Variants in SMARCA1 observed in about 807,000 individuals in gnomAD.
SMARCA1 encodes the protein SWI/SNF-related matrix-associated actin-dependent regulator of chromatin subfamily A member 1.
SMARCA1 carries 17 observed loss-of-function variants against 93.6 expected under a neutral mutation model. The ratio of observed to expected loss-of-function variants is 0.18; its 90% CI spans 0.12 to 0.27. The LOEUF (loss-of-function observed/expected upper bound fraction) is 0.27. SMARCA1 is among the 10% of genes least tolerant of loss of function. The pLI, the probability that SMARCA1 is intolerant of heterozygous loss-of-function variation, is 1.00. For synonymous variants in SMARCA1, 271 were observed against 271.4 expected (o/e 1.00, Z 0.01); for missense variants, 630 against 819.0 (o/e 0.77, Z 2.82).
At position 129,482,098 on chromosome X, in the gene SMARCA1, G is replaced by A. The variant is rs779077740; in HGVS notation, c.2218-913C>T. Among the ~76,000 whole-genome samples, 100 of 89,143 alleles carry A rather than the reference G, an allele frequency of 1.1e-3. 1 individual carries two copies. Among genetic ancestry groups the A allele is most frequent in the African/African-American group, 3.6e-3 (87 of 23,877 alleles). The allele number at this position is 89,143 out of a possible 115,157, so 77.4% of individuals were successfully genotyped here. ...TCGCAAGAACAAAAAACCAAACACCGCATATTCTCACTCATAGGTGGGAAT... is the reference window on the plus strand; with the variant it reads ...TCGCAAGAACAAAAAACCAAACACCACATATTCTCACTCATAGGTGGGAAT... On this transcript the variant is annotated intron_variant, in intron 17 of 24. Coordinates refer to ENST00000371121, the MANE Select transcript of SMARCA1 (RefSeq NM_001282874.2).
intron 1 of SMARCA1, 79 bp downstream of exon 1, chrX:129,523,118 C>T (rs1935471544): frequency 9.3e-7 from 1 of 1,080,732 alleles, no homozygotes; most frequent in Non-Finnish European, 1.2e-6. Context: ...CTGTCGGCGC[C>T]GAAAGGTCAG....
intron 6 of SMARCA1, 104 bp downstream of exon 6, chrX:129,511,700 T>C (rs1935024165): frequency 5.0e-6 from 3 of 602,502 alleles, no homozygotes; most frequent in East Asian, 6.7e-5. Context: ...TTAAGTCTTA[T>C]TTAGTAGTAG....
At chrX:129,482,159 T>C (rs1602683262) in intron 17 of SMARCA1, among the ~76,000 whole-genome samples, 2 of 75,049 alleles carry the variant, frequency 2.7e-5, no homozygotes, top group East Asian at 9.4e-4. Context: ...GGAAGGGGAA[T>C]ATCACACTCT....
chrX:129,466,744 T>A (rs907037813), intron 21 of SMARCA1, among the ~76,000 whole-genome samples: 17 of 110,666 alleles, frequency 1.5e-4, no homozygotes, highest in African/African-American at 5.6e-4. Context: ...CTTGAAATTG[T>A]CATTTGCTTT....
intron 23 of SMARCA1, among the ~76,000 whole-genome samples, chrX:129,451,796 C>T (rs1209646335): frequency 9.2e-6 from 1 of 108,126 alleles, no homozygotes; most frequent in Non-Finnish European, 1.9e-5. Flanking sequence ...CTCCATCTCC[C>T]GGGTTCACAC....
chrX:129,507,537 C>T (rs757976290), intron 7 of SMARCA1, among the ~76,000 whole-genome samples: 17 of 112,719 alleles, frequency 1.5e-4, no homozygotes, highest in Middle Eastern at 9.2e-3. Context: ...CATTCACATT[C>T]CATGAATAAA....
intron 23 of SMARCA1, among the ~76,000 whole-genome samples, chrX:129,451,454 G>T (rs1320266199): frequency 9.0e-6 from 1 of 110,880 alleles, no homozygotes; most frequent in African/African-American, 3.3e-5. Flanking sequence ...GGTTCATGTG[G>T]GTGATTCAGA....
chrX:129,514,374 G>A (rs1602734987), intron 5 of SMARCA1, among the ~76,000 whole-genome samples: 2 of 111,198 alleles, frequency 1.8e-5, no homozygotes, highest in South Asian at 7.4e-4. Context: ...CATCTTATAT[G>A]CCTTACTTTT....
At chrX:129,479,071 T>C (rs1933525892) in intron 19 of SMARCA1, among the ~76,000 whole-genome samples, 1 of 111,462 alleles carries the variant, frequency 9.0e-6, no homozygotes, top group Non-Finnish European at 1.9e-5. Flanking sequence ...CTTCATGAGG[T>C]TGTTAGGAAT....
Position 129,447,105 on chromosome X carries a change from T to C in SMARCA1, c.*57A>G. ...AATACACTGGAACTGGCAATTAGCA[T>C]TTGAAGATGGGAACAAGAAAATAGC... On this transcript the variant is annotated 3_prime_UTR_variant, in exon 25 of 25. Transcript: ENST00000371121. 1 of 992,799 alleles carries C rather than the reference T, an allele frequency of 1.0e-6. No individual in the cohort carries two copies. The highest frequency in any genetic ancestry group is 1.4e-6 in the Non-Finnish European group (1 of 731,225). The allele number at this position is 992,799 out of a possible 1,213,427, so 81.8% of individuals were successfully genotyped here. A position where few individuals can be genotyped will look rare whatever the true frequency, so the allele number is the denominator to read the frequency against.
intron 21 of SMARCA1, among the ~76,000 whole-genome samples, chrX:129,467,898 A>G (rs1220189945): frequency 8.9e-6 from 1 of 112,401 alleles, no homozygotes. Context: ...TCAATGACAA[A>G]AAATGCTCTA....
rs145322245 is a variant in SMARCA1, at chrX:129,491,498, C to A, written c.1815+443G>T. On this transcript the variant is annotated intron_variant, in intron 14 of 24. Transcript: ENST00000371121. ...TTTCTGGAATATATTCCTTTCTTACCTTTTTGCCTTCTCTCCCAAATTGTT... is the reference window on the plus strand; with the variant it reads ...TTTCTGGAATATATTCCTTTCTTACATTTTTGCCTTCTCTCCCAAATTGTT... 7.1e-3 allele frequency among the ~76,000 whole-genome samples: 795 copies of A among 111,437 alleles called. 6 individuals carry two copies. The highest frequency in any genetic ancestry group is 0.025 in the African/African-American group (763 of 30,801).
rs1395934875 is a variant in SMARCA1, at chrX:129,468,789, C to T, written c.2682G>A (p.Glu894=). Reference sequence around the variant, plus strand: ...TATACAAACCTGAATACTCCATGACCTCCTCAGGGGATTTGCCCTCTACCT... The same window carrying T: ...TATACAAACCTGAATACTCCATGACTTCCTCAGGGGATTTGCCCTCTACCT... ...AREVEGKSPE[E]VMEYSAVFWE... The change falls in exon 21 of 25, where the codon GAG becomes GAA. Residue 894 remains glutamate (E), a synonymous_variant. Transcript: ENST00000371121. 1.7e-6 allele frequency: 2 copies of T among 1,185,034 alleles called. No individual in the cohort carries two copies. Among genetic ancestry groups the T allele is most frequent in the Non-Finnish European group, 2.3e-6 (2 of 875,814 alleles).
chrX:129,501,614 G>C (rs757366878), intron 9 of SMARCA1, among the ~76,000 whole-genome samples: 117 of 103,292 alleles, frequency 1.1e-3, no homozygotes, highest in Non-Finnish European at 2.0e-3. Context: ...TTTTTTTGGG[G>C]GGGGAGGTGG....
intron 9 of SMARCA1, among the ~76,000 whole-genome samples, chrX:129,503,829 G>C (rs750435564): frequency 2.8e-5 from 3 of 108,102 alleles, no homozygotes; most frequent in Non-Finnish European, 5.7e-5. Context: ...GGGCGTGGTG[G>C]CACGTGCCTT....
At chrX:129,474,129 T>C (rs2124221430) in intron 19 of SMARCA1, among the ~76,000 whole-genome samples, 1 of 111,755 alleles carries the variant, frequency 8.9e-6, no homozygotes, top group Non-Finnish European at 1.9e-5. Flanking sequence ...TACCATAAGA[T>C]GTAAATTGTC....
Position 129,496,989 on chromosome X carries a change from A to G in SMARCA1, c.1505-118T>C, listed in dbSNP as rs1025392623. Reference sequence around the variant, plus strand: ...GCACATGAACACTCCACTAACGCACACACACACGTGCACACACACACACAC... The same window carrying G: ...GCACATGAACACTCCACTAACGCACGCACACACGTGCACACACACACACAC... On this transcript the variant is annotated intron_variant, in intron 11 of 24. Transcript: ENST00000371121. 4 of 529,040 alleles carry G rather than the reference A, an allele frequency of 7.6e-6. No homozygotes were observed. In the African/African-American group the frequency reaches 1.0e-4, roughly 13 times the overall value. 43.6% of individuals were successfully genotyped at this position (529,040 alleles called of 1,213,427 possible).
At chrX:129,514,192 C>T (rs1171658816) in intron 5 of SMARCA1, among the ~76,000 whole-genome samples, 1 of 111,831 alleles carries the variant, frequency 8.9e-6, no homozygotes, top group Non-Finnish European at 1.9e-5. Flanking sequence ...TGGCGGGCGC[C>T]TGTAGTCCCA....
intron 19 of SMARCA1, among the ~76,000 whole-genome samples, chrX:129,479,779 C>A (rs959866336): frequency 1.8e-5 from 2 of 109,453 alleles, no homozygotes; most frequent in Non-Finnish European, 3.8e-5. Flanking sequence ...CTCACTGCAA[C>A]CTTCACCTCC....
Sources: allele counts gnomAD v4.1 joint callset (sites outside exome capture counted in the v4.1 genomes callset), GRCh38; gene constraint gnomAD v4.1.1; transcripts MANE v1.5; gene names NCBI Gene and HGNC (gene_info 2026-07-23, HGNC 2026-07-21).